GAN: variants seen among roughly 807,000 people sequenced by gnomAD.
The protein encoded by GAN is gigaxonin.
In GAN, 48 loss-of-function variants were observed where a neutral mutation model predicts 71.3. The observed-to-expected ratio is 0.67, with a 90% confidence interval of 0.53 to 0.86. GAN has a LOEUF of 0.86. Among genes scored for constraint, GAN ranks in the 40% least tolerant of loss-of-function variants. The pLI is 0.00. For missense variants in GAN, 928 were observed against 770.1 expected (o/e 1.21, Z -2.43); for synonymous variants, 386 against 276.8 (o/e 1.39, Z -3.92).
intron 1 of GAN, among the ~76,000 whole-genome samples, chr16:81,337,426 G>A (rs186431873): frequency 1.2e-3 from 187 of 152,258 alleles, no homozygotes; most frequent in African/African-American, 4.5e-3. Context: ...TTACATCAGA[G>A]GGGAAGAAAA....
intron 5 of GAN, among the ~76,000 whole-genome samples, chr16:81,358,324 G>A (rs1056814482): frequency 6.6e-6 from 1 of 152,116 alleles, no homozygotes; most frequent in African/African-American, 2.4e-5. Flanking sequence ...TATAAAATAT[G>A]TTATATAAGG....
chr16:81,350,385 C>T (rs9932717), intron 1 of GAN, among the ~76,000 whole-genome samples: 1,695 of 152,268 alleles, frequency 0.011, 31 homozygotes, highest in African/African-American at 0.039. Context: ...TATGAATCCG[C>T]AGATGCCCTT....
At chr16:81,337,575 T>A (rs79232200) in intron 1 of GAN, among the ~76,000 whole-genome samples, 3,389 of 152,310 alleles carry the variant, frequency 0.022, 67 homozygotes, top group East Asian at 0.083. Context: ...TTTTCCAGCA[T>A]TTTGGAAGCA....
chr16:81,327,267 A>T (rs981319555), intron 1 of GAN, among the ~76,000 whole-genome samples: 3 of 152,214 alleles, frequency 2.0e-5, no homozygotes, highest in African/African-American at 7.2e-5. Context: ...TTCAGCTTCA[A>T]GTTGTTTGGA....
Position 81,363,889 on chromosome 16 carries a change from C to A in GAN, c.1182C>A (p.Tyr394Ter), listed in dbSNP as rs150102659. The change falls in exon 7 of 11, where the codon TAC becomes TAA. Residue 394 changes from tyrosine to a stop codon, truncating the protein, a stop_gained. Transcript: ENST00000648994. LOFTEE classifies it high-confidence loss of function. Reference sequence around the variant, plus strand: ...AGGAGCTGATTTCCATGGAGTGTTACGATATTTATTCTAAAACCTGGACAA... The same window carrying A: ...AGGAGCTGATTTCCATGGAGTGTTAAGATATTTATTCTAAAACCTGGACAA... ...GEKELISMEC[Y>*]DIYSKTWTKQ... The A allele has an allele frequency of 1.2e-6, 2 of 1,612,358 alleles. No homozygotes were observed. Among genetic ancestry groups the A allele is most frequent in the Non-Finnish European group, 1.7e-6 (2 of 1,178,444 alleles).
At position 81,314,998 on chromosome 16, in the gene GAN, G is replaced by T. The variant is rs1310720807; in HGVS notation, c.-116G>T. 1.2e-5 allele frequency: 11 copies of T among 910,888 alleles called. No homozygotes were observed. Among genetic ancestry groups the T allele is most frequent in the East Asian group, 3.4e-5 (1 of 29,710 alleles). 56.4% of individuals were successfully genotyped at this position (910,888 alleles called of 1,614,324 possible). ...GCACGTCCCGGGGGCTCCAGCTTCT[G>T]CTCAGAGCGCGGAGAGCCGGGCCGG... On this transcript the variant is annotated 5_prime_UTR_variant, in exon 1 of 11. Transcript: ENST00000648994.
intron 8 of GAN, 36 bp from the exon 9 acceptor site, chr16:81,365,314 A>T: frequency 1.2e-6 from 2 of 1,613,434 alleles, no homozygotes; most frequent in East Asian, 4.5e-5. Context: ...CGCATTGTAC[A>T]GCTTGTGCCT....
chr16:81,352,171 T>C (rs1301024520), intron 2 of GAN, among the ~76,000 whole-genome samples: 3 of 152,166 alleles, frequency 2.0e-5, no homozygotes, highest in African/African-American at 7.2e-5. Context: ...GAAAGATGAC[T>C]GACAGACATG....
In GAN at chr16:81,376,575, G is replaced by A. The variant is rs780088191; in HGVS notation, c.1503-644G>A. ...CACATATACATATATATGTGTATAT[G>A]TGTATATATGTATGTATAAGTATAT... On this transcript the variant is annotated intron_variant, in intron 9 of 10. Coordinates refer to ENST00000648994, the MANE Select transcript of GAN (RefSeq NM_022041.4). 1.5e-4 allele frequency among the ~76,000 whole-genome samples: 23 copies of A among 148,736 alleles called. 1 individual carries two copies. The highest frequency in any genetic ancestry group is 1.2e-3 in the East Asian group (6 of 5,108).
intron 1 of GAN, among the ~76,000 whole-genome samples, chr16:81,345,851 C>T (rs536027024): frequency 6.6e-6 from 1 of 152,316 alleles, no homozygotes; most frequent in East Asian, 1.9e-4. Flanking sequence ...GACAGGAGTT[C>T]TGGGGATGGT....
At chr16:81,332,925 T>TCA (rs1219565052) in intron 1 of GAN, among the ~76,000 whole-genome samples, 3 of 152,124 alleles carry the variant, frequency 2.0e-5, no homozygotes, top group Non-Finnish European at 2.9e-5. Flanking sequence ...TTCAGTTTGA[T>TCA]CACGTTATTT....
intron 1 of GAN, among the ~76,000 whole-genome samples, chr16:81,328,906 A>G (rs1427086467): frequency 1.3e-5 from 2 of 152,110 alleles, no homozygotes; most frequent in Non-Finnish European, 2.9e-5. Context: ...TGTTTTAATA[A>G]CCTTTTAAAA....
chr16:81,339,004 A>C (rs1182305002), intron 1 of GAN, among the ~76,000 whole-genome samples: 1 of 152,254 alleles, frequency 6.6e-6, no homozygotes, highest in East Asian at 1.9e-4. Context: ...CTCTTTTAGC[A>C]GTTTGACAGA....
At chr16:81,359,839 G>A (rs1179315512) in intron 5 of GAN, among the ~76,000 whole-genome samples, 2 of 152,094 alleles carry the variant, frequency 1.3e-5, no homozygotes, top group African/African-American at 4.8e-5. Flanking sequence ...ATAATAAAAC[G>A]ACGATAACAA....
chr16:81,354,377 A>G (rs1203880735), intron 2 of GAN, 28 bp from the exon 3 acceptor site: 1 of 1,422,654 alleles, frequency 7.0e-7, no homozygotes, highest in Admixed American at 1.7e-5. Context: ...ACACATTCAA[A>G]TATAAGATAA....
rs770296045 is a variant in GAN at position 81,315,212 on chromosome 16, C to A, written c.99C>A (p.His33Gln). Reference protein sequence around the residue: ...FREESRFCDAHLVLDGEEIPV... With the variant: ...FREESRFCDAQLVLDGEEIPV... ...AGGAGTCTCGCTTCTGCGACGCGCA[C>A]CTGGTCCTCGACGGGGAGGAGATCC... The change falls in exon 1 of 11, where the codon CAC becomes CAA. Residue 33 changes from histidine (H) to glutamine (Q), a missense_variant. Transcript: ENST00000648994. 1 of 1,580,990 alleles carries A rather than the reference C, an allele frequency of 6.3e-7. No homozygotes were observed. Among genetic ancestry groups the A allele is most frequent in the Non-Finnish European group, 8.6e-7 (1 of 1,165,826 alleles).
In GAN at chr16:81,315,166, G is replaced by T. The variant is rs761688537; in HGVS notation, c.53G>T (p.Arg18Leu). The T allele has an allele frequency of 3.8e-6, 6 of 1,558,932 alleles. No individual in the cohort carries two copies. Among genetic ancestry groups the T allele is most frequent in the Non-Finnish European group, 4.3e-6 (5 of 1,154,980 alleles). The part of the protein sequence containing the change: ...SDPQHAARLL[R>L]ALSSFREESR... ...CCTCAGCACGCCGCGCGTCTGCTGCGAGCGCTCAGCTCTTTCCGCGAGGAG... is the reference window on the plus strand; with the variant it reads ...CCTCAGCACGCCGCGCGTCTGCTGCTAGCGCTCAGCTCTTTCCGCGAGGAG... Residue 18 changes from arginine (R) to leucine (L), a missense_variant, in exon 1 of 11, where the codon CGA (arginine) becomes CTA (leucine). By Grantham distance (102) the Arg-to-Leu change is moderately radical. Coordinates refer to ENST00000648994, the MANE Select transcript of GAN (RefSeq NM_022041.4).
intron 9 of GAN, among the ~76,000 whole-genome samples, chr16:81,372,218 C>G (rs1044686393): frequency 6.6e-6 from 1 of 152,212 alleles, no homozygotes. Flanking sequence ...CATGTACTGA[C>G]AAGCCCGTTT....
At chr16:81,319,429 A>C (rs1909155177) in intron 1 of GAN, among the ~76,000 whole-genome samples, 1 of 152,030 alleles carries the variant, frequency 6.6e-6, no homozygotes, top group Admixed American at 6.6e-5. Context: ...GATCTGATGC[A>C]AAGTTCAGAC....
Sources: allele counts gnomAD v4.1 joint callset (sites outside exome capture counted in the v4.1 genomes callset), GRCh38; gene constraint gnomAD v4.1.1; transcripts MANE v1.5; gene names NCBI Gene and HGNC (gene_info 2026-07-23, HGNC 2026-07-21).